The following CLMP variants were observed in gnomAD, a reference collection of about 807,000 sequenced individuals.
CLMP encodes the protein CXADR like cell adhesion molecule, also known as CXADR-like membrane protein.
Under a neutral mutation model 45.2 loss-of-function variants are expected in CLMP, and 27 were observed. That is an observed-to-expected ratio of 0.60 (90% CI 0.44 to 0.82). The LOEUF (loss-of-function observed/expected upper bound fraction) is 0.82. Among genes scored for constraint, CLMP ranks in the 40% least tolerant of loss-of-function variants. CLMP has a pLI of 0.00. For missense variants in CLMP, 403 were observed against 448.4 expected, an observed-to-expected ratio of 0.90 and a Z score of 0.91; for synonymous variants, 167 against 171.4, an observed-to-expected ratio of 0.97 and a Z score of 0.20.
chr11:123,098,767 T>C (rs1299479714), intron 1 of CLMP, among the ~76,000 whole-genome samples: 1 of 144,764 alleles, frequency 6.9e-6, no homozygotes, highest in African/African-American at 2.6e-5. Context: ...AGTGCAGTGG[T>C]GCGATCTCGG....
chr11:123,137,700 C>G (rs908137319), intron 1 of CLMP, among the ~76,000 whole-genome samples: 1 of 152,028 alleles, frequency 6.6e-6, no homozygotes, highest in Non-Finnish European at 1.5e-5. Flanking sequence ...AAACCTCTCT[C>G]GAAGGCGGCC....
intron 1 of CLMP, among the ~76,000 whole-genome samples, chr11:123,141,557 A>C (rs1861159698): frequency 6.6e-6 from 1 of 152,058 alleles, no homozygotes; most frequent in African/African-American, 2.4e-5. Context: ...ACAGTCAAAA[A>C]TGTTTTCAGA....
chr11:123,183,724 A>AAGAC (rs376027967), intron 1 of CLMP, among the ~76,000 whole-genome samples: 3 of 152,138 alleles, frequency 2.0e-5, no homozygotes, highest in African/African-American at 7.2e-5. Flanking sequence ...CTTCCCAGAG[A>AAGAC]AGACAGCCTT....
intron 2 of CLMP, among the ~76,000 whole-genome samples, chr11:123,096,406 C>T (rs1865990075): frequency 6.6e-6 from 1 of 152,114 alleles, no homozygotes; most frequent in South Asian, 2.1e-4. Flanking sequence ...CGTCTGTAAT[C>T]CCAGCTGCTC....
At chr11:123,108,843 C>G (rs575866672) in intron 1 of CLMP, among the ~76,000 whole-genome samples, 2 of 152,090 alleles carry the variant, frequency 1.3e-5, no homozygotes, top group Non-Finnish European at 2.9e-5. Flanking sequence ...CACCTGAGGT[C>G]GGGAGTTCGA....
At chr11:123,149,276 T>A (rs1392696217) in intron 1 of CLMP, among the ~76,000 whole-genome samples, 1 of 152,204 alleles carries the variant, frequency 6.6e-6, no homozygotes, top group Admixed American at 6.5e-5. Context: ...ATACCTTGAT[T>A]TCAGATGTCT....
intron 1 of CLMP, among the ~76,000 whole-genome samples, chr11:123,171,492 G>A (rs1339508662): frequency 1.4e-5 from 2 of 144,232 alleles, no homozygotes; most frequent in Non-Finnish European, 3.0e-5. Context: ...CACCCAGGCT[G>A]GAGTGCAGTG....
At chr11:123,135,749 C>G (rs1025634922) in intron 1 of CLMP, among the ~76,000 whole-genome samples, 1 of 152,174 alleles carries the variant, frequency 6.6e-6, no homozygotes, top group Non-Finnish European at 1.5e-5. Context: ...GTCGCAGATA[C>G]TAGTTTGCCT....
intron 1 of CLMP, among the ~76,000 whole-genome samples, chr11:123,120,342 T>C (rs1226891150): frequency 6.6e-6 from 1 of 152,120 alleles, no homozygotes; most frequent in African/African-American, 2.4e-5. Flanking sequence ...TTTCAGATGT[T>C]GGACCTCCTG....
chr11:123,091,139 C>G (rs1347238884), intron 2 of CLMP, among the ~76,000 whole-genome samples: 2 of 152,030 alleles, frequency 1.3e-5, no homozygotes, highest in Non-Finnish European at 2.9e-5. Flanking sequence ...GAGTTTCATT[C>G]TGTCACCCAG....
chr11:123,122,546 A>G (rs1333756640), intron 1 of CLMP, among the ~76,000 whole-genome samples: 1 of 152,122 alleles, frequency 6.6e-6, no homozygotes, highest in Non-Finnish European at 1.5e-5. Context: ...CCACACTCCT[A>G]CTGGAAAGCT....
At chr11:123,163,198 T>C (rs1252213759) in intron 1 of CLMP, among the ~76,000 whole-genome samples, 1 of 152,120 alleles carries the variant, frequency 6.6e-6, no homozygotes, top group Non-Finnish European at 1.5e-5. Flanking sequence ...GAGTTCCCAT[T>C]GAAAATGCCA....
At chr11:123,130,841 C>CTTTT (rs11322192) in intron 1 of CLMP, among the ~76,000 whole-genome samples, 3 of 126,278 alleles carry the variant, frequency 2.4e-5, no homozygotes, top group Non-Finnish European at 4.9e-5. Flanking sequence ...TTTTCTTTTC[C>CTTTT]TTTTTTTTTT....
At chr11:123,107,709 T>C (rs552066777) in intron 1 of CLMP, among the ~76,000 whole-genome samples, 8 of 152,138 alleles carry the variant, frequency 5.3e-5, no homozygotes, top group South Asian at 2.1e-4. Flanking sequence ...ACATACCACA[T>C]GGACAAACCA....
chr11:123,109,352 G>A (rs1241774937), intron 1 of CLMP, among the ~76,000 whole-genome samples: 1 of 151,970 alleles, frequency 6.6e-6, no homozygotes, highest in Non-Finnish European at 1.5e-5. Context: ...TGACTCAAAT[G>A]TTATCATTTG....
intron 1 of CLMP, among the ~76,000 whole-genome samples, chr11:123,146,149 C>T (rs1355758022): frequency 1.3e-5 from 2 of 152,284 alleles, no homozygotes; most frequent in East Asian, 3.9e-4. Flanking sequence ...GATGCTGGCA[C>T]ACCTCCAGGC....
At chr11:123,095,646 A>G (rs1169986740) in intron 2 of CLMP, among the ~76,000 whole-genome samples, 1 of 152,156 alleles carries the variant, frequency 6.6e-6, no homozygotes, top group Non-Finnish European at 1.5e-5. Flanking sequence ...TGAGTCAGAG[A>G]TTGGGCTTGA....
intron 2 of CLMP, among the ~76,000 whole-genome samples, chr11:123,087,680 G>A (rs919840592): frequency 6.6e-6 from 1 of 151,656 alleles, no homozygotes; most frequent in African/African-American, 2.4e-5. Flanking sequence ...AATTAGCTGG[G>A]TGTGGTGGCA....
chr11:123,125,058 A>T (rs976714025), intron 1 of CLMP, among the ~76,000 whole-genome samples: 2 of 151,992 alleles, frequency 1.3e-5, no homozygotes, highest in Non-Finnish European at 2.9e-5. Flanking sequence ...TACCATGCCT[A>T]GCTAATTTTC....
Sources: allele counts gnomAD v4.1 joint callset (sites outside exome capture counted in the v4.1 genomes callset), GRCh38; gene constraint gnomAD v4.1.1; transcripts MANE v1.5; gene names NCBI Gene and HGNC (gene_info 2026-07-23, HGNC 2026-07-21).